Variants in TMEM178B observed in about 807,000 individuals in gnomAD.
TMEM178B encodes the protein transmembrane protein 178B.
In TMEM178B, 5 loss-of-function variants were observed where a neutral mutation model predicts 31.0. That is an observed-to-expected ratio of 0.16 (90% confidence interval 0.08 to 0.34). The LOEUF is 0.34. Ranked by LOEUF, TMEM178B falls within the 10% of genes least tolerant of loss-of-function variation. TMEM178B has a pLI of 1.00. For missense variants in TMEM178B, 275 were observed against 400.3 expected (o/e 0.69, Z 2.67); for synonymous variants, 164 against 164.0 (o/e 1.00, Z 0.00).
Position 141,094,335 on chromosome 7 carries a change from CT to C in TMEM178B, c.382+19648del, listed in dbSNP as rs538640610. On this transcript the variant is annotated intron_variant, in intron 1 of 3. Transcript: ENST00000565468. ...GGAAAATAGAGCAAAGAGCTTTATG[CT>C]TTTTAGAAGAGAGTTTCTATAGTAC... 1.1e-4 allele frequency among the ~76,000 whole-genome samples: 16 copies of C among 152,262 alleles called. No individual in the cohort carries two copies. The South Asian group carries it at 1.5e-3, about 14-fold the overall frequency.
At chr7:141,117,831 G>A (rs1043103417) in intron 1 of TMEM178B, among the ~76,000 whole-genome samples, 3 of 152,040 alleles carry the variant, frequency 2.0e-5, no homozygotes, top group Admixed American at 6.5e-5. Context: ...GATGTGTGGC[G>A]TTTTTTCTGA....
intron 2 of TMEM178B, among the ~76,000 whole-genome samples, chr7:141,219,117 C>T (rs1402649037): frequency 6.6e-6 from 1 of 152,182 alleles, no homozygotes; most frequent in East Asian, 1.9e-4. Flanking sequence ...GATCACTCGA[C>T]GTTTCCTCCC....
At chr7:141,139,769 T>G (rs927122797) in intron 1 of TMEM178B, among the ~76,000 whole-genome samples, 2 of 151,858 alleles carry the variant, frequency 1.3e-5, no homozygotes, top group Non-Finnish European at 2.9e-5. Context: ...GAATGAAGTT[T>G]TTTTTTTTTT....
chr7:141,131,342 T>C (rs1477090916), intron 1 of TMEM178B, among the ~76,000 whole-genome samples: 2 of 152,164 alleles, frequency 1.3e-5, no homozygotes, highest in Non-Finnish European at 2.9e-5. Context: ...AATTGAGAGT[T>C]CATTAACATA....
At chr7:141,194,259 G>C (rs922189853) in intron 1 of TMEM178B, among the ~76,000 whole-genome samples, 1 of 152,108 alleles carries the variant, frequency 6.6e-6, no homozygotes, top group Non-Finnish European at 1.5e-5. Flanking sequence ...AAAGTCCACA[G>C]CCCAAAGTCT....
rs1285711401 is a variant in TMEM178B, at chr7:141,460,945, A to G, written c.635-9591A>G. The stretch of plus-strand genomic sequence containing the variant: ...GTAAAACCCTGTGACCTGCCTGTTG[A>G]GTGCTGATGATGCAATCGTGTATAA... On this transcript the variant is annotated intron_variant, in intron 3 of 3. Coordinates refer to ENST00000565468, the MANE Select transcript of TMEM178B (RefSeq NM_001195278.2). Among the ~76,000 whole-genome samples, 5 of 152,184 alleles carry G rather than the reference A, an allele frequency of 3.3e-5. No homozygotes were observed. In the East Asian group the frequency reaches 7.7e-4, roughly 23 times the overall value.
At chr7:141,223,483 T>G (rs1053586455) in intron 2 of TMEM178B, among the ~76,000 whole-genome samples, 2 of 149,110 alleles carry the variant, frequency 1.3e-5, no homozygotes. Flanking sequence ...TTCACTCTTT[T>G]TTTTTTTTTT....
chr7:141,494,912 T>A, the TMEM178B span, among the ~76,000 whole-genome samples: 1 of 152,172 alleles, frequency 6.6e-6, no homozygotes, highest in East Asian at 1.9e-4. Context: ...AGGAATTGGT[T>A]AAGGTACAGA....
intron 2 of TMEM178B, among the ~76,000 whole-genome samples, chr7:141,349,920 T>G (rs1233616895): frequency 6.6e-6 from 1 of 152,090 alleles, no homozygotes; most frequent in African/African-American, 2.4e-5. Flanking sequence ...GCTGAAACCC[T>G]GAGGAAGAAT....
chr7:141,121,292 A>G (rs898823340), intron 1 of TMEM178B, among the ~76,000 whole-genome samples: 8 of 152,152 alleles, frequency 5.3e-5, no homozygotes, highest in Admixed American at 4.6e-4. Flanking sequence ...TTATCTATCT[A>G]TGGCTAAATT....
At chr7:141,121,085 C>T (rs1795400248) in intron 1 of TMEM178B, among the ~76,000 whole-genome samples, 1 of 151,948 alleles carries the variant, frequency 6.6e-6, no homozygotes, top group Non-Finnish European at 1.5e-5. Flanking sequence ...CCTCATCCTT[C>T]CACCCTTCCC....
intron 2 of TMEM178B, among the ~76,000 whole-genome samples, chr7:141,399,669 C>T (rs1800724208): frequency 6.6e-6 from 1 of 152,154 alleles, no homozygotes; most frequent in African/African-American, 2.4e-5. Flanking sequence ...TGCATTTCTC[C>T]AAAGATGGTT....
chr7:141,344,371 G>A lies in TMEM178B; in HGVS notation c.497-93237G>A, dbSNP rs1416154151. 6.6e-6 allele frequency among the ~76,000 whole-genome samples: 1 copy of A among 152,182 alleles called. No homozygotes were observed. The highest frequency in any genetic ancestry group is 1.5e-5 in the Non-Finnish European group (1 of 68,022). On this transcript the variant is annotated intron_variant, in intron 2 of 3. Transcript: ENST00000565468. This position sits in a 1 kb window ranked among gnomAD's most constrained non-coding sequence, Gnocchi z 4.1. ...GGCCTGAGCTCAGAACCCCTGGTCC[G>A]ATAGCCCTTCAGTCACTGAACTTCA...
rs1338629324 is a variant in TMEM178B at position 141,188,139 on chromosome 7, G to T, written c.383-24452G>T. On this transcript the variant is annotated intron_variant, in intron 1 of 3. Coordinates refer to ENST00000565468, the MANE Select transcript of TMEM178B (RefSeq NM_001195278.2). ...TTTGTATAAGGTGTAAGCAAGGGATGTTTTTAAAGTGACTTTCAGTATATC... is the reference window on the plus strand; with the variant it reads ...TTTGTATAAGGTGTAAGCAAGGGATTTTTTTAAAGTGACTTTCAGTATATC... Among the ~76,000 whole-genome samples the T allele has an allele frequency of 2.6e-5, 4 of 152,162 alleles. No individual in the cohort carries two copies. In the South Asian group the frequency reaches 8.3e-4, roughly 32 times the overall value.
intron 1 of TMEM178B, among the ~76,000 whole-genome samples, chr7:141,200,670 C>T (rs1264447525): frequency 6.6e-6 from 1 of 152,118 alleles, no homozygotes; most frequent in Non-Finnish European, 1.5e-5. Flanking sequence ...TGACCTCATT[C>T]CCTTTTTGGA....
intron 1 of TMEM178B, among the ~76,000 whole-genome samples, chr7:141,134,570 C>CA (rs955169190): frequency 1.9e-4 from 29 of 152,062 alleles, no homozygotes; most frequent in Admixed American, 1.0e-3. Context: ...GTTACCAATA[C>CA]AAAAAACCAC....
chr7:141,233,808 A>C (rs1010040595), intron 2 of TMEM178B, among the ~76,000 whole-genome samples: 1 of 152,186 alleles, frequency 6.6e-6, no homozygotes, highest in Non-Finnish European at 1.5e-5. Flanking sequence ...CTTTGACTTC[A>C]TTGTGCATCT....
intron 2 of TMEM178B, among the ~76,000 whole-genome samples, chr7:141,220,373 C>T (rs1363685312): frequency 6.6e-6 from 1 of 151,020 alleles, no homozygotes; most frequent in Admixed American, 6.6e-5. Flanking sequence ...ATAATAAATG[C>T]ATGTGCATGT....
chr7:141,307,840 C>T (rs1211795370), intron 2 of TMEM178B, among the ~76,000 whole-genome samples: 4 of 152,168 alleles, frequency 2.6e-5, no homozygotes, highest in South Asian at 2.1e-4. Flanking sequence ...CTCACTTAAT[C>T]GACATGTTGA....
Sources: gnomAD v4.1 joint callset for allele counts (sites outside exome capture counted in the v4.1 genomes callset) on GRCh38, gnomAD v4.1.1 for gene constraint, Gnocchi (gnomAD v3.1) non-coding constraint, MANE v1.5 for transcripts, NCBI Gene and HGNC (gene_info 2026-07-23, HGNC 2026-07-21) for gene names.